The following SEPTIN7 variants were observed in gnomAD, a reference collection of about 807,000 sequenced individuals.
The protein encoded by SEPTIN7 is septin-7.
A neutral mutation model predicts 63.3 loss-of-function variants in SEPTIN7; 10 were observed. The observed-to-expected ratio is 0.16, with a 90% CI of 0.10 to 0.27. SEPTIN7 has a LOEUF of 0.27. Among genes scored for constraint, SEPTIN7 ranks in the 10% least tolerant of loss-of-function variants. The probability of loss-of-function intolerance (pLI) is 1.00; values close to 1 mark genes in which losing one functional copy is unlikely to be tolerated. For missense variants in SEPTIN7, 310 were observed against 521.0 expected, an observed-to-expected ratio of 0.59 and a Z score of 3.94; for synonymous variants, 131 against 165.3, an observed-to-expected ratio of 0.79 and a Z score of 1.59.
intron 3 of SEPTIN7, among the ~76,000 whole-genome samples, chr7:35,838,302 T>C (rs28382362): frequency 0.015 from 36 of 2,326 alleles, no homozygotes; most frequent in Admixed American, 0.039. Context: ...CCTTCCTTCC[T>C]TCCCTCCCTC....
At chr7:35,875,579 G>T (rs1328611103) in intron 6 of SEPTIN7, among the ~76,000 whole-genome samples, 1 of 152,144 alleles carries the variant, frequency 6.6e-6, no homozygotes, top group East Asian at 1.9e-4. Flanking sequence ...TGAACTGCAT[G>T]CATGGCTAAT....
At chr7:35,827,524 T>C (rs1006567168) in intron 1 of SEPTIN7, among the ~76,000 whole-genome samples, 1 of 152,182 alleles carries the variant, frequency 6.6e-6, no homozygotes, top group Non-Finnish European at 1.5e-5. Flanking sequence ...AGAGTCTTGC[T>C]CTGTCATCCA....
At chr7:35,866,448 A>G (rs1303964276) in intron 4 of SEPTIN7, among the ~76,000 whole-genome samples, 7 of 152,196 alleles carry the variant, frequency 4.6e-5, no homozygotes, top group East Asian at 1.9e-4. Context: ...TAAACATACA[A>G]TCCTGAGTTT....
chr7:35,910,500 CA>C (rs772111245), downstream of SEPTIN7, among the ~76,000 whole-genome samples: 1 of 152,112 alleles, frequency 6.6e-6, no homozygotes, highest in Non-Finnish European at 1.5e-5. Flanking sequence ...TATTCTGGTT[CA>C]AAAACTAAAG....
intron 3 of SEPTIN7, among the ~76,000 whole-genome samples, chr7:35,835,025 A>G (rs189125190): frequency 5.9e-5 from 9 of 152,282 alleles, no homozygotes. Flanking sequence ...ATCTTGCTTC[A>G]TAAGCAATGT....
chr7:35,851,204 A>G (rs1007280353), intron 3 of SEPTIN7, among the ~76,000 whole-genome samples: 1 of 152,156 alleles, frequency 6.6e-6, no homozygotes, highest in Non-Finnish European at 1.5e-5. Context: ...TAACATGCTT[A>G]TTAGGTTGAA....
At chr7:35,881,832 A>G (rs986943023) in intron 7 of SEPTIN7, among the ~76,000 whole-genome samples, 6 of 151,948 alleles carry the variant, frequency 3.9e-5, no homozygotes, top group Non-Finnish European at 5.9e-5. Context: ...GAACTAGGTC[A>G]TTTCTGATGT....
At chr7:35,833,860 A>G (rs542788845) in intron 3 of SEPTIN7, among the ~76,000 whole-genome samples, 2 of 152,094 alleles carry the variant, frequency 1.3e-5, no homozygotes, top group East Asian at 1.9e-4. Context: ...GGGAGGTAGA[A>G]TATTTTATCT....
chr7:35,824,070 G>T (rs1783380491), intron 1 of SEPTIN7, among the ~76,000 whole-genome samples: 2 of 138,754 alleles, frequency 1.4e-5, no homozygotes, highest in Non-Finnish European at 3.1e-5. Flanking sequence ...CTATCCTGTT[G>T]TTCTTCTCTT....
chr7:35,813,182 A>G (rs753895922), intron 1 of SEPTIN7, among the ~76,000 whole-genome samples: 2 of 152,210 alleles, frequency 1.3e-5, no homozygotes, highest in African/African-American at 4.8e-5. Flanking sequence ...CAGAAAGGTT[A>G]TGTAACTTAC....
chr7:35,824,900 TAA>T (rs1583511769), intron 1 of SEPTIN7, among the ~76,000 whole-genome samples: 3 of 152,226 alleles, frequency 2.0e-5, no homozygotes, highest in African/African-American at 4.8e-5. Flanking sequence ...ATTCTTATAC[TAA>T]GTCTTTAAAA....
chr7:35,899,545 CAG>C (rs1172150248), intron 12 of SEPTIN7: 3 of 152,096 alleles, frequency 2.0e-5, no homozygotes, highest in Non-Finnish European at 4.4e-5. Context: ...AAAAAACAAA[CAG>C]ACAAACAAAA....
chr7:35,865,483 G>A (rs1419843560), intron 4 of SEPTIN7, among the ~76,000 whole-genome samples: 2 of 151,756 alleles, frequency 1.3e-5, no homozygotes, highest in Non-Finnish European at 1.5e-5. Flanking sequence ...CATCGTCATC[G>A]TATGCTACTC....
the SEPTIN7 span, among the ~76,000 whole-genome samples, chr7:35,912,648 C>A: frequency 6.6e-6 from 1 of 152,216 alleles, no homozygotes; most frequent in Admixed American, 6.5e-5. Context: ...GCCTTGAAAG[C>A]AGGTACAGCG....
In SEPTIN7 at chr7:35,833,290, TGAAAA is replaced by T. The variant is rs1046333981; in HGVS notation, c.169+395_169+399del. Among the ~76,000 whole-genome samples the T allele has an allele frequency of 1.3e-3, 191 of 152,156 alleles. 1 individual carries two copies. The highest frequency in any genetic ancestry group is 4.5e-3 in the African/African-American group (186 of 41,562). ...ATTTAACTTAATGTGCTCTGAATTT[TGAAAA>T]GAAAGGTAGGATAGAGGATCATAAT... is the stretch of plus-strand genomic sequence containing the variant. On this transcript the variant is annotated intron_variant, in intron 3 of 13. Coordinates refer to ENST00000350320, the MANE Select transcript of SEPTIN7 (RefSeq NM_001788.6).
chr7:35,907,974 CAGTTTT>C (rs763744574), downstream of SEPTIN7, among the ~76,000 whole-genome samples: 2 of 152,286 alleles, frequency 1.3e-5, no homozygotes, highest in Non-Finnish European at 2.9e-5. Flanking sequence ...TATTTCTTCT[CAGTTTT>C]AGTGACGGTT....
At chr7:35,869,587 C>G (rs1227850592) in intron 4 of SEPTIN7, among the ~76,000 whole-genome samples, 3 of 152,090 alleles carry the variant, frequency 2.0e-5, no homozygotes, top group Non-Finnish European at 4.4e-5. Context: ...TTTTATTTAC[C>G]TTAATAAGTG....
chr7:35,857,649 C>T, intron 3 of SEPTIN7, among the ~76,000 whole-genome samples: 1 of 151,912 alleles, frequency 6.6e-6, no homozygotes, highest in South Asian at 2.1e-4. Flanking sequence ...GGGTATACAG[C>T]GTATTGCTTC....
rs753275736 is a variant in SEPTIN7, at chr7:35,801,223, C to T, written c.14C>T (p.Ala5Val). 4 of 1,531,770 alleles carry T rather than the reference C, an allele frequency of 2.6e-6. No homozygotes were observed. The highest frequency in any genetic ancestry group is 3.5e-6 in the Non-Finnish European group (4 of 1,139,968). 94.9% of individuals were successfully genotyped at this position (1,531,770 alleles called of 1,614,324 possible). A position where few individuals can be genotyped will look rare whatever the true frequency, so the allele number is the denominator to read the frequency against. The stretch of plus-strand genomic sequence containing the variant: ...GGGGGGGAGGGGATGTCGGTCAGTG[C>T]GAGATCCGCTGCTGCTGAGGAGAGG... MSVSARSAAAEERSV... is the reference protein window; with the variant it reads MSVSVRSAAAEERSV... Residue 5 changes from alanine (A) to valine (V), a missense_variant, in exon 1 of 14, where the codon GCG (alanine) becomes GTG (valine). Ala to Val is a moderately conservative substitution (Grantham distance 64). Coordinates refer to ENST00000350320, the MANE Select transcript of SEPTIN7 (RefSeq NM_001788.6).
Sources: allele counts gnomAD v4.1 joint callset (sites outside exome capture counted in the v4.1 genomes callset), GRCh38; gene constraint gnomAD v4.1.1; transcripts MANE v1.5; gene names NCBI Gene and HGNC (gene_info 2026-07-23, HGNC 2026-07-21).